The following AKAP19 variants were observed in gnomAD, a reference collection of about 807,000 sequenced individuals.
AKAP19 encodes A-kinase anchoring protein 19, also known as small A-kinase anchoring protein.
chr2:190,074,526 C>T, the AKAP19 span, among the ~76,000 whole-genome samples: 2 of 152,172 alleles, frequency 1.3e-5, no homozygotes, highest in South Asian at 4.1e-4. Context: ...TGGCGCGTGC[C>T]TCTAGTCCCA....
chr2:189,907,553 C>T, the AKAP19 span, among the ~76,000 whole-genome samples: 9 of 152,158 alleles, frequency 5.9e-5, no homozygotes, highest in Middle Eastern at 3.4e-3. Flanking sequence ...ACCTACAGTA[C>T]GTTTAATGGT....
the AKAP19 span, among the ~76,000 whole-genome samples, chr2:189,960,601 C>G: frequency 6.6e-6 from 1 of 152,176 alleles, no homozygotes; most frequent in African/African-American, 2.4e-5. Flanking sequence ...TGGCTTTTCT[C>G]AGATAAGAGG....
chr2:190,079,362 G>A, the AKAP19 span: 7 of 152,332 alleles, frequency 4.6e-5, no homozygotes, highest in East Asian at 1.9e-4. Context: ...AAAAAGTGTG[G>A]TCTAGTGTGG....
the AKAP19 span, among the ~76,000 whole-genome samples, chr2:189,969,581 T>C: frequency 5.3e-5 from 8 of 151,458 alleles, no homozygotes; most frequent in Non-Finnish European, 1.0e-4. Flanking sequence ...AATACAAAAG[T>C]TAGCAAGGCA....
At chr2:190,090,622 T>C in the AKAP19 span, among the ~76,000 whole-genome samples, 1 of 152,226 alleles carries the variant, frequency 6.6e-6, no homozygotes, top group Non-Finnish European at 1.5e-5. Flanking sequence ...AGCTAACTGA[T>C]CACGTGTCTT....
the AKAP19 span, among the ~76,000 whole-genome samples, chr2:189,952,383 C>G: frequency 6.6e-6 from 1 of 152,128 alleles, no homozygotes; most frequent in African/African-American, 2.4e-5. Context: ...GCTTGAGCTT[C>G]CAGTCTTCCA....
chr2:190,069,614 T>G, the AKAP19 span, among the ~76,000 whole-genome samples: 1 of 152,194 alleles, frequency 6.6e-6, no homozygotes, highest in African/African-American at 2.4e-5. Flanking sequence ...TCCTTGGAAT[T>G]GCCTAAAGCG....
chr2:190,046,498 A>G, the AKAP19 span, among the ~76,000 whole-genome samples: 1 of 152,292 alleles, frequency 6.6e-6, no homozygotes, highest in South Asian at 2.1e-4. Flanking sequence ...TTATACTAGT[A>G]TATAGAATTC....
the AKAP19 span, among the ~76,000 whole-genome samples, chr2:190,052,848 G>A: frequency 2.6e-5 from 4 of 152,188 alleles, no homozygotes; most frequent in African/African-American, 4.8e-5. Context: ...CTCAGGAGAC[G>A]TTTTCAACAG....
At chr2:189,951,194 C>CTTTT in the AKAP19 span, among the ~76,000 whole-genome samples, 88 of 60,432 alleles carry the variant, frequency 1.5e-3, 2 homozygotes, top group African/African-American at 4.2e-3. Flanking sequence ...CTGAATCCTC[C>CTTTT]TTTTTTTTTT....
the AKAP19 span, among the ~76,000 whole-genome samples, chr2:190,163,381 C>G: frequency 6.6e-6 from 1 of 151,622 alleles, no homozygotes; most frequent in Non-Finnish European, 1.5e-5. Context: ...TTGCAGTGAG[C>G]CGAGATCGCG....
the AKAP19 span, among the ~76,000 whole-genome samples, chr2:190,107,157 A>G: frequency 6.6e-6 from 1 of 152,204 alleles, no homozygotes; most frequent in Non-Finnish European, 1.5e-5. Context: ...AGTATCTAAA[A>G]TGTGAGAGGA....
At chr2:189,983,048 C>T in the AKAP19 span, among the ~76,000 whole-genome samples, 11 of 152,088 alleles carry the variant, frequency 7.2e-5, no homozygotes, top group African/African-American at 2.2e-4. Context: ...TGGAAGCACC[C>T]ACCCTGATTG....
At chr2:190,061,648 C>T in the AKAP19 span, among the ~76,000 whole-genome samples, 1 of 151,920 alleles carries the variant, frequency 6.6e-6, no homozygotes, top group African/African-American at 2.4e-5. Flanking sequence ...CATTATTGTT[C>T]TTACTAACAC....
At chr2:190,066,627 T>C in the AKAP19 span, among the ~76,000 whole-genome samples, 1 of 152,188 alleles carries the variant, frequency 6.6e-6, no homozygotes, top group Non-Finnish European at 1.5e-5. Flanking sequence ...ACATTGATGA[T>C]AACTGATTAC....
chr2:190,150,036 C>T, the AKAP19 span, among the ~76,000 whole-genome samples: 5 of 152,164 alleles, frequency 3.3e-5, no homozygotes, highest in African/African-American at 4.8e-5. Context: ...AGCTCCCATG[C>T]AAACCGAAGG....
chr2:190,168,360 G>A, the AKAP19 span, among the ~76,000 whole-genome samples: 1 of 152,176 alleles, frequency 6.6e-6, no homozygotes, highest in Admixed American at 6.5e-5. Flanking sequence ...GGCCTGTGAT[G>A]GGAGGGCCTG....
At chr2:190,111,339 C>G in the AKAP19 span, among the ~76,000 whole-genome samples, 1 of 152,142 alleles carries the variant, frequency 6.6e-6, no homozygotes, top group Admixed American at 6.5e-5. Flanking sequence ...AGTCCCAATA[C>G]TGGGACTCAG....
chr2:189,919,042 A>C, the AKAP19 span, among the ~76,000 whole-genome samples: 25 of 152,314 alleles, frequency 1.6e-4, no homozygotes, highest in East Asian at 4.8e-3. Context: ...ATAAGTTTTA[A>C]ATTTTGGCAC....
Sources: gnomAD v4.1 joint callset for allele counts (sites outside exome capture counted in the v4.1 genomes callset) on GRCh38, gnomAD v4.1.1 for gene constraint, MANE v1.5 for transcripts, NCBI Gene and HGNC (gene_info 2026-07-23, HGNC 2026-07-21) for gene names.